Variants in PCDHGA7 observed in about 807,000 individuals in gnomAD.
PCDHGA7 encodes the protein protocadherin gamma subfamily A, 7.
PCDHGA7 carries 44 observed loss-of-function variants against 58.3 expected under a neutral mutation model. The observed-to-expected ratio is 0.75, with a 90% confidence interval of 0.59 to 0.97. The LOEUF is 0.97. Ranked by LOEUF, PCDHGA7 falls within the 50% of genes least tolerant of loss-of-function variation. The pLI is 0.00. For missense variants in PCDHGA7, 1,266 were observed against 1,188.7 expected, an observed-to-expected ratio of 1.06 and a Z score of -0.96; for synonymous variants, 516 against 504.2, an observed-to-expected ratio of 1.02 and a Z score of -0.31.
chr5:141,448,338 T>A (rs1053822287), intron 1 of PCDHGA7, among the ~76,000 whole-genome samples: 1 of 152,192 alleles, frequency 6.6e-6, no homozygotes, highest in African/African-American at 2.4e-5. Context: ...TATAGCCATG[T>A]ACCTCAATCT....
chr5:141,474,403 C>G (rs553745731), intron 1 of PCDHGA7, among the ~76,000 whole-genome samples: 6 of 152,166 alleles, frequency 3.9e-5, no homozygotes, highest in Non-Finnish European at 5.9e-5. Context: ...ACAAGCTCCC[C>G]GGTGATGCCT....
At chr5:141,392,465 C>A (rs2092539675) in intron 1 of PCDHGA7, 2 of 174,278 alleles carry the variant, frequency 1.1e-5, no homozygotes, top group Admixed American at 6.2e-5. Flanking sequence ...ACGGATAAAT[C>A]AAATAAATTC....
rs751214480 is a variant in PCDHGA7, at chr5:141,485,161, G to A, written c.2425-9646G>A. ...CGTCTCAGGAGCAAGTAGAGAATTA[G>A]CGGGCGGCAGCAATGCTCCGCAAGG... On this transcript the variant is annotated intron_variant, in intron 1 of 3. Transcript: ENST00000518325. The surrounding 1 kb of genome is among the most constrained non-coding windows in gnomAD (Gnocchi z 5.7). The A allele has an allele frequency of 8.1e-6, 13 of 1,603,712 alleles. No individual in the cohort carries two copies. The Admixed American group carries it at 2.0e-4, about 25-fold the overall frequency.
intron 1 of PCDHGA7, chr5:141,423,124 C>T (rs748586131): frequency 1.9e-6 from 3 of 1,613,778 alleles, no homozygotes; most frequent in Non-Finnish European, 1.7e-6. Context: ...AGCGCGGGCA[C>T]TGCTGGACAG....
At chr5:141,388,639 C>T (rs2091432130) in intron 1 of PCDHGA7, 1 of 1,613,944 alleles carries the variant, frequency 6.2e-7, no homozygotes, top group Non-Finnish European at 8.5e-7. Context: ...GTGAGCCTTT[C>T]AGAAAACGTG....
At chr5:141,396,795 G>T (rs1022475514) in intron 1 of PCDHGA7, among the ~76,000 whole-genome samples, 1 of 152,180 alleles carries the variant, frequency 6.6e-6, no homozygotes, top group Admixed American at 6.5e-5. Context: ...ATTTCCTAAG[G>T]ATTGTGTAGT....
chr5:141,451,739 G>A (rs1343538104), intron 1 of PCDHGA7, among the ~76,000 whole-genome samples: 1 of 152,082 alleles, frequency 6.6e-6, no homozygotes, highest in East Asian at 1.9e-4. Flanking sequence ...AAAATTAGCT[G>A]GTCTGGTGGT....
intron 1 of PCDHGA7, among the ~76,000 whole-genome samples, chr5:141,442,609 TA>T (rs1238913928): frequency 6.6e-6 from 1 of 152,112 alleles, no homozygotes; most frequent in African/African-American, 2.4e-5. Flanking sequence ...GAGATCTCAG[TA>T]AAAAGCATTT....
At chr5:141,400,102 G>C (rs376189143) in intron 1 of PCDHGA7, 35 of 1,614,084 alleles carry the variant, frequency 2.2e-5, no homozygotes, top group Non-Finnish European at 3.0e-5. Context: ...GCTGCACTTG[G>C]TCTTTGCTGA....
chr5:141,462,243 A>C (rs141980823), intron 1 of PCDHGA7, among the ~76,000 whole-genome samples: 70 of 152,368 alleles, frequency 4.6e-4, no homozygotes, highest in African/African-American at 1.6e-3. Flanking sequence ...TACAGGTATG[A>C]GCCACCATGA....
chr5:141,433,108 G>A (rs2097568903), intron 1 of PCDHGA7: 2 of 1,614,146 alleles, frequency 1.2e-6, no homozygotes, highest in East Asian at 2.2e-5. Context: ...TCAGCCAGGA[G>A]AGCTTTGAAA....
At chr5:141,457,802 T>C (rs1332412750) in intron 1 of PCDHGA7, among the ~76,000 whole-genome samples, 1 of 152,210 alleles carries the variant, frequency 6.6e-6, no homozygotes, top group Non-Finnish European at 1.5e-5. Context: ...TCCTCTCCTC[T>C]TGAGGTCCCA....
At chr5:141,427,889 G>C in intron 1 of PCDHGA7, 1 of 1,566,516 alleles carries the variant, frequency 6.4e-7, no homozygotes, top group South Asian at 1.1e-5. Flanking sequence ...CCCACGACCA[G>C]GGCTCGCCCG....
chr5:141,419,584 C>G, intron 1 of PCDHGA7: 1 of 1,611,800 alleles, frequency 6.2e-7, no homozygotes. Context: ...CCGCGCTCTT[C>G]GACACAGTGC....
At chr5:141,428,754 T>C (rs932377392) in intron 1 of PCDHGA7, 7 of 154,708 alleles carry the variant, frequency 4.5e-5, no homozygotes, top group African/African-American at 1.4e-4. Context: ...TTGCTTCAGG[T>C]TTGTTTGCCC....
chr5:141,454,503 T>A (rs988138847), intron 1 of PCDHGA7, among the ~76,000 whole-genome samples: 1 of 152,308 alleles, frequency 6.6e-6, no homozygotes, highest in Non-Finnish European at 1.5e-5. Flanking sequence ...ACCTCCTGGA[T>A]TCAGGCAGTT....
chr5:141,429,672 A>G (rs1036863132), intron 1 of PCDHGA7, among the ~76,000 whole-genome samples: 1 of 152,210 alleles, frequency 6.6e-6, no homozygotes, highest in African/African-American at 2.4e-5. Context: ...ATATTATTTT[A>G]TTTTATGCCT....
chr5:141,419,846 G>T (rs1407937968), intron 1 of PCDHGA7: 2 of 1,614,066 alleles, frequency 1.2e-6, no homozygotes, highest in Non-Finnish European at 1.7e-6. Context: ...GCTGCACCTG[G>T]TGTTCGCAGA....
Position 141,413,187 on chromosome 5 carries a change from A to G in PCDHGA7, c.2424+27864A>G, listed in dbSNP as rs778441437. The G allele has an allele frequency of 6.2e-6, 10 of 1,606,328 alleles. No individual in the cohort carries two copies. The African/African-American group carries it at 1.3e-4, about 22-fold the overall frequency. On this transcript the variant is annotated intron_variant, in intron 1 of 3. Transcript: ENST00000518325. Reference sequence around the variant, plus strand: ...GTAACCAGACTACAATGGCCGCTCAAAGGAATCGCTCAAAGGAATCAAAGG... The same window carrying G: ...GTAACCAGACTACAATGGCCGCTCAGAGGAATCGCTCAAAGGAATCAAAGG...
Sources: allele counts gnomAD v4.1 joint callset (sites outside exome capture counted in the v4.1 genomes callset), GRCh38; gene constraint gnomAD v4.1.1; non-coding constraint Gnocchi (gnomAD v3.1); transcripts MANE v1.5; gene names NCBI Gene and HGNC (gene_info 2026-07-23, HGNC 2026-07-21).